CPS1: variants seen among roughly 807,000 people sequenced by gnomAD.
CPS1 encodes the protein carbamoyl-phosphate synthase 1, also known as carbamoyl-phosphate synthase [ammonia], mitochondrial.
In CPS1, 109 loss-of-function variants were observed where a neutral mutation model predicts 174.6. The observed-to-expected ratio is 0.62, with a 90% CI of 0.53 to 0.73. The LOEUF (loss-of-function observed/expected upper bound fraction) is 0.73, where lower values mean the gene tolerates loss of function less well. Ranked by LOEUF, CPS1 falls within the 30% of genes least tolerant of loss-of-function variation. The probability of loss-of-function intolerance (pLI) is 0.00; values close to 1 mark genes in which losing one functional copy is unlikely to be tolerated. For synonymous variants in CPS1, 637 were observed against 632.0 expected, an observed-to-expected ratio of 1.01 and a Z score of -0.12; for missense variants, 1,689 against 1,821.9, an observed-to-expected ratio of 0.93 and a Z score of 1.33.
intron 21 of CPS1, among the ~76,000 whole-genome samples, chr2:210,620,583 C>T (rs1158193315): frequency 6.6e-6 from 1 of 151,954 alleles, no homozygotes. Flanking sequence ...TCTAGGGAGG[C>T]CTCAGAAATC....
intron 30 of CPS1, chr2:210,658,361 A>C (rs1700792267): frequency 2.3e-6 from 1 of 439,068 alleles, no homozygotes; most frequent in African/African-American, 2.0e-5. Flanking sequence ...AATTTGGCAG[A>C]GAGATAATCG....
chr2:210,492,851 A>G (rs557129294), intron 1 of CPS1, among the ~76,000 whole-genome samples: 48 of 152,282 alleles, frequency 3.2e-4, no homozygotes, highest in South Asian at 1.4e-3. Context: ...CAGTTATACA[A>G]TAACTTAAAA....
At chr2:210,676,908 C>T (rs1348625278) in intron 36 of CPS1, 99 bp from the exon 37 acceptor site, 3 of 1,095,078 alleles carry the variant, frequency 2.7e-6, no homozygotes, top group African/African-American at 1.6e-5. Flanking sequence ...CTCAGCATGG[C>T]ATTGACTTGA....
Position 210,600,629 on chromosome 2 carries a change from A to G in CPS1, c.1624A>G (p.Met542Val), listed in dbSNP as rs767250061. ...KVLGTSVESI[M>V]ATEDRQLFSD... Reference sequence around the variant, plus strand: ...CCTGGGAACTTCAGTTGAGTCCATTATGGCTACGGAAGACAGGCAGCTGTT... The same window carrying G: ...CCTGGGAACTTCAGTTGAGTCCATTGTGGCTACGGAAGACAGGCAGCTGTT... The change falls in exon 15 of 38, where the codon ATG becomes GTG. Residue 542 changes from methionine to valine, a missense_variant. Met to Val is a conservative substitution (Grantham distance 21). Transcript: ENST00000233072. 2 of 1,612,320 alleles carry G rather than the reference A, an allele frequency of 1.2e-6. No individual in the cohort carries two copies. Among genetic ancestry groups the G allele is most frequent in the Middle Eastern group, 1.7e-4 (1 of 6,042 alleles).
intron 6 of CPS1, among the ~76,000 whole-genome samples, chr2:210,584,521 T>C (rs1373050789): frequency 6.6e-6 from 1 of 152,146 alleles, no homozygotes; most frequent in Non-Finnish European, 1.5e-5. Flanking sequence ...ACATACACTT[T>C]TTTGCCCATG....
chr2:210,527,782 G>C (rs1214596642), intron 1 of CPS1, among the ~76,000 whole-genome samples: 1 of 151,660 alleles, frequency 6.6e-6, no homozygotes, highest in Non-Finnish European at 1.5e-5. Context: ...ATATATTCTT[G>C]ACAGATTAAA....
chr2:210,523,959 G>A (rs1347402813), intron 1 of CPS1, among the ~76,000 whole-genome samples: 1 of 151,796 alleles, frequency 6.6e-6, no homozygotes, highest in African/African-American at 2.4e-5. Context: ...TGACTATGAG[G>A]GAAATGCAGT....
rs1356233496 is a variant in CPS1 at position 210,608,379 on chromosome 2, T to G, written c.2211T>G (p.Ile737Met). 1.2e-6 allele frequency: 2 copies of G among 1,612,108 alleles called. No individual in the cohort carries two copies. The highest frequency in any genetic ancestry group is 1.3e-5 in the African/African-American group (1 of 74,786). ...SKATGYPLAFIAAKIALGIPL... is the reference protein window; with the variant it reads ...SKATGYPLAFMAAKIALGIPL... ...TTTATAGCTACCCATTGGCATTCAT[T>G]GCTGCAAAGATTGCCCTAGGAATCC... The change falls in exon 19 of 38, where the codon ATT becomes ATG. Residue 737 changes from isoleucine to methionine, a missense_variant. Ile to Met is a conservative substitution (Grantham distance 10). Coordinates refer to ENST00000233072, the MANE Select transcript of CPS1 (RefSeq NM_001875.5).
intron 31 of CPS1, 120 bp downstream of exon 31, chr2:210,658,808 TG>T: frequency 2.7e-6 from 2 of 744,926 alleles, no homozygotes; most frequent in Non-Finnish European, 4.7e-6. Flanking sequence ...CCCCTGGATC[TG>T]TTTGTGTCTG....
Position 210,637,837 on chromosome 2 carries a change from TAA to T in CPS1, c.2825_2826del (p.Lys942ThrfsTer3). The T allele has an allele frequency of 1.2e-6, 2 of 1,613,914 alleles. No individual in the cohort carries two copies. Among genetic ancestry groups the T allele is most frequent in the Non-Finnish European group, 1.7e-6 (2 of 1,179,840 alleles). On this transcript the variant is annotated frameshift_variant, in exon 22 of 38. Transcript: ENST00000233072. LOFTEE classifies it high-confidence loss of function. ...TAAAGAAAAACATCCACCCTTGGGTTAAACAGGTAAAGGAGTTTCCCTTTTCC... is the reference window on the plus strand; with the variant it reads ...TAAAGAAAAACATCCACCCTTGGGTTACAGGTAAAGGAGTTTCCCTTTTCC... ...RLKKNIHPWV[K>X]QIDTLAAEYP...
At chr2:210,520,777 A>G (rs1397824938) in intron 1 of CPS1, among the ~76,000 whole-genome samples, 2 of 151,942 alleles carry the variant, frequency 1.3e-5, no homozygotes, top group Non-Finnish European at 2.9e-5. Flanking sequence ...TTGGCAATCA[A>G]TGGTTCATTT....
chr2:210,599,253 G>A, intron 13 of CPS1, 119 bp from the exon 14 acceptor site: 1 of 853,614 alleles, frequency 1.2e-6, no homozygotes, highest in East Asian at 2.6e-5. Context: ...TCCTGTTACG[G>A]ATCTCTACGG....
At chr2:210,660,047 T>C (rs890530763) in intron 31 of CPS1, among the ~76,000 whole-genome samples, 1 of 152,064 alleles carries the variant, frequency 6.6e-6, no homozygotes, top group African/African-American at 2.4e-5. Context: ...AGTGAGATGA[T>C]TTTACTGAGT....
chr2:210,634,747 A>G (rs1699988835), intron 21 of CPS1, among the ~76,000 whole-genome samples: 1 of 152,204 alleles, frequency 6.6e-6, no homozygotes, highest in East Asian at 1.9e-4. Context: ...TCATTAATAC[A>G]GGCAGGACAG....
chr2:210,621,775 A>C (rs539781628), intron 21 of CPS1, among the ~76,000 whole-genome samples: 2 of 152,230 alleles, frequency 1.3e-5, no homozygotes, highest in South Asian at 4.1e-4. Context: ...GTAACCAAAT[A>C]ATGAATTTAT....
chr2:210,659,962 T>G (rs1038265620), intron 31 of CPS1, among the ~76,000 whole-genome samples: 6 of 152,140 alleles, frequency 3.9e-5, no homozygotes, highest in African/African-American at 1.2e-4. Context: ...GGTAGAGAGA[T>G]TATTACACAT....
At chr2:210,607,027 A>AT (rs1444920383) in intron 18 of CPS1, 86 bp downstream of exon 18, 2 of 1,194,964 alleles carry the variant, frequency 1.7e-6, no homozygotes, top group Non-Finnish European at 2.4e-6. Flanking sequence ...ACTGTACTGC[A>AT]TTTACAAACT....
chr2:210,630,056 G>C (rs1164999527), intron 21 of CPS1, among the ~76,000 whole-genome samples: 1 of 147,928 alleles, frequency 6.8e-6, no homozygotes, highest in Admixed American at 6.8e-5. Context: ...CTGGGAGAGA[G>C]AGCGAGACTA....
intron 1 of CPS1, among the ~76,000 whole-genome samples, 187 bp downstream of exon 1, chr2:210,557,046 T>C (rs1696935394): frequency 6.6e-6 from 1 of 152,090 alleles, no homozygotes; most frequent in African/African-American, 2.4e-5. Context: ...CTGAGTAACA[T>C]GACAGTAATT....
Sources: gnomAD v4.1 joint callset for allele counts (sites outside exome capture counted in the v4.1 genomes callset) on GRCh38, gnomAD v4.1.1 for gene constraint, MANE v1.5 for transcripts, NCBI Gene and HGNC (gene_info 2026-07-23, HGNC 2026-07-21) for gene names.